The following EFCAB5 variants were observed in gnomAD, a reference collection of about 807,000 sequenced individuals.
EFCAB5 encodes EF-hand calcium-binding domain-containing protein 5.
Under a neutral mutation model 167.9 loss-of-function variants are expected in EFCAB5, and 131 were observed. That is an observed-to-expected ratio of 0.78 (90% confidence interval 0.68 to 0.90). The LOEUF (loss-of-function observed/expected upper bound fraction) is 0.90, where lower values mean the gene tolerates loss of function less well. Ranked by LOEUF, EFCAB5 falls within the 40% of genes least tolerant of loss-of-function variation. The pLI, the probability that EFCAB5 is intolerant of heterozygous loss-of-function variation, is 0.00. For missense variants in EFCAB5, 1,663 were observed against 1,745.2 expected, an observed-to-expected ratio of 0.95 and a Z score of 0.84; for synonymous variants, 574 against 602.8, an observed-to-expected ratio of 0.95 and a Z score of 0.70.
chr17:29,970,667 C>CACAT (rs776571731), intron 4 of EFCAB5, among the ~76,000 whole-genome samples: 3 of 136,090 alleles, frequency 2.2e-5, no homozygotes, highest in South Asian at 2.2e-4. Flanking sequence ...CACACACACA[C>CACAT]ATACACACAC....
intron 22 of EFCAB5, among the ~76,000 whole-genome samples, chr17:30,095,304 C>T (rs2151852921): frequency 6.6e-6 from 1 of 152,276 alleles, no homozygotes; most frequent in South Asian, 2.1e-4. Context: ...CGGCCCTCCA[C>T]TTCTCCTACA....
chr17:29,935,441 C>G (rs2067237209), intron 1 of EFCAB5, among the ~76,000 whole-genome samples: 2 of 152,096 alleles, frequency 1.3e-5, no homozygotes, highest in South Asian at 4.2e-4. Flanking sequence ...CACCTGCAGT[C>G]CTAGCTACTT....
rs1460918623 is a variant in EFCAB5 at position 30,090,622 on chromosome 17, C to T, written c.3885C>T (p.Cys1295=). 6.2e-7 allele frequency: 1 copy of T among 1,613,810 alleles called. No individual in the cohort carries two copies. Among genetic ancestry groups the T allele is most frequent in the South Asian group, 1.1e-5 (1 of 91,074 alleles). The change falls in exon 20 of 23, where the codon TGC becomes TGT. Residue 1295 remains cysteine, a synonymous_variant. Transcript: ENST00000394835. ...TGATGAAAGTGGTCCAAGTGGCCTG[C>T]TATGAAATACTTGGCGAGTTCTCTG... ...QKMMKVVQVA[C]YEILGEFSGE...
Position 30,090,638 on chromosome 17 carries a change from G to C in EFCAB5, c.3901G>C (p.Glu1301Gln), listed in dbSNP as rs143268548. The C allele has an allele frequency of 6.2e-7, 1 of 1,613,082 alleles. No individual in the cohort carries two copies. Among genetic ancestry groups the C allele is most frequent in the African/African-American group, 1.3e-5 (1 of 74,802 alleles). Residue 1301 changes from glutamate (E) to glutamine (Q), a missense_variant, in exon 20 of 23, where the codon GAG becomes CAG. By Grantham distance (29) the Glu-to-Gln change is conservative. Transcript: ENST00000394835. ...AGTGGCCTGCTATGAAATACTTGGC[G>C]AGTTCTCTGGAGAGATAAAGAAAAA... Reference protein sequence around the residue: ...VQVACYEILGEFSGEIKKKYI... With the variant: ...VQVACYEILGQFSGEIKKKYI...
intron 12 of EFCAB5, among the ~76,000 whole-genome samples, chr17:30,057,207 C>A (rs1219099186): frequency 6.6e-6 from 1 of 152,164 alleles, no homozygotes; most frequent in Admixed American, 6.5e-5. Flanking sequence ...AGGATACTGT[C>A]TGTCTTCCTC....
At chr17:29,941,870 T>C in intron 1 of EFCAB5, 32 bp downstream of exon 1, 1 of 1,577,808 alleles carries the variant, frequency 6.3e-7, no homozygotes, top group Non-Finnish European at 8.6e-7. Flanking sequence ...ATCACATTTA[T>C]GGGAAGATTT....
chr17:30,013,672 G>A (rs113571648), intron 7 of EFCAB5, among the ~76,000 whole-genome samples: 4,258 of 152,072 alleles, frequency 0.028, 80 homozygotes, highest in Admixed American at 0.04. Context: ...TTTTTATTGC[G>A]TCTATTTGAT....
At chr17:30,055,618 T>G (rs1041120694) in intron 10 of EFCAB5, among the ~76,000 whole-genome samples, 1 of 152,202 alleles carries the variant, frequency 6.6e-6, no homozygotes, top group African/African-American at 2.4e-5. Flanking sequence ...TATTGTATAG[T>G]AATACCTAGC....
intron 3 of EFCAB5, among the ~76,000 whole-genome samples, chr17:29,947,383 C>T (rs549828635): frequency 5.3e-4 from 80 of 151,746 alleles, no homozygotes; most frequent in South Asian, 4.0e-3. Flanking sequence ...AAAGACATGC[C>T]GAGCGATATA....
intron 4 of EFCAB5, among the ~76,000 whole-genome samples, chr17:29,975,253 C>T (rs2068041101): frequency 6.6e-6 from 1 of 151,102 alleles, no homozygotes; most frequent in Non-Finnish European, 1.5e-5. Context: ...GACATACAGA[C>T]CTACACTAAT....
At chr17:30,051,417 G>A (rs953497536) in intron 9 of EFCAB5, among the ~76,000 whole-genome samples, 200 bp downstream of exon 9, 1 of 152,122 alleles carries the variant, frequency 6.6e-6, no homozygotes, top group Non-Finnish European at 1.5e-5. Context: ...ACAACTAGAT[G>A]TATTTTTCAC....
intron 7 of EFCAB5, among the ~76,000 whole-genome samples, chr17:30,012,464 C>G (rs895758881): frequency 1.4e-4 from 22 of 152,284 alleles, no homozygotes; most frequent in Admixed American, 1.2e-3. Context: ...AGTTGTTTCT[C>G]TCTTTGTCTC....
intron 17 of EFCAB5, among the ~76,000 whole-genome samples, chr17:30,081,741 A>T (rs1186283513): frequency 6.6e-6 from 1 of 152,174 alleles, no homozygotes; most frequent in Non-Finnish European, 1.5e-5. Flanking sequence ...TTGGGTGGAT[A>T]GTTGAGGAAA....
Position 30,030,181 on chromosome 17 carries a change from C to T in EFCAB5, c.1045-4049C>T, listed in dbSNP as rs1597696702. On this transcript the variant is annotated intron_variant, in intron 7 of 22. Coordinates refer to ENST00000394835, the MANE Select transcript of EFCAB5 (RefSeq NM_198529.4). The stretch of plus-strand genomic sequence containing the variant: ...GGAATTTGATTTGTAGTTGATATCG[C>T]CAACTGTTAGTCTTTATGCCAGCTA... 2.0e-5 allele frequency among the ~76,000 whole-genome samples: 3 copies of T among 152,302 alleles called. 1 individual carries two copies. The highest frequency in any genetic ancestry group is 2.0e-4 in the Admixed American group (3 of 15,298).
chr17:30,013,803 T>C (rs1343250265), intron 7 of EFCAB5, among the ~76,000 whole-genome samples: 1 of 152,232 alleles, frequency 6.6e-6, no homozygotes, highest in Admixed American at 6.5e-5. Flanking sequence ...TCTAGCTCCT[T>C]CAATTCTGCT....
At chr17:30,075,457 C>T (rs919935500) in intron 14 of EFCAB5, among the ~76,000 whole-genome samples, 1 of 152,110 alleles carries the variant, frequency 6.6e-6, no homozygotes, top group African/African-American at 2.4e-5. Flanking sequence ...GCTGAGCTGA[C>T]CCCCAGCCTA....
chr17:29,974,851 A>T (rs1410513003), intron 4 of EFCAB5, among the ~76,000 whole-genome samples: 1 of 152,096 alleles, frequency 6.6e-6, no homozygotes, highest in Non-Finnish European at 1.5e-5. Flanking sequence ...TTTGAATTTC[A>T]TATAATCTTC....
intron 3 of EFCAB5, among the ~76,000 whole-genome samples, chr17:29,957,211 A>G (rs529535574): frequency 2.3e-4 from 35 of 152,254 alleles, no homozygotes; most frequent in African/African-American, 8.2e-4. Context: ...AAATGATCAT[A>G]TGGTTTTTGT....
chr17:29,982,649 A>T (rs2068201474), intron 4 of EFCAB5, among the ~76,000 whole-genome samples: 1 of 152,182 alleles, frequency 6.6e-6, no homozygotes, highest in African/African-American at 2.4e-5. Context: ...TCTGTACATG[A>T]TTGATTAAAA....
Sources: gnomAD v4.1 joint callset for allele counts (sites outside exome capture counted in the v4.1 genomes callset) on GRCh38, gnomAD v4.1.1 for gene constraint, MANE v1.5 for transcripts, NCBI Gene and HGNC (gene_info 2026-07-23, HGNC 2026-07-21) for gene names.